Variants in IKBKB observed in about 807,000 individuals in gnomAD.
The protein encoded by IKBKB is inhibitor of nuclear factor kappa B kinase subunit beta.
A neutral mutation model predicts 113.6 loss-of-function variants in IKBKB; 42 were observed. That is an observed-to-expected ratio of 0.37 (90% CI 0.29 to 0.48). IKBKB has a LOEUF of 0.48. Among genes scored for constraint, IKBKB ranks in the 20% least tolerant of loss-of-function variants. The pLI is 0.99. For missense variants in IKBKB, 673 were observed against 939.7 expected, an observed-to-expected ratio of 0.72 and a Z score of 3.71; for synonymous variants, 296 against 361.3, an observed-to-expected ratio of 0.82 and a Z score of 2.05.
intron 5 of IKBKB, among the ~76,000 whole-genome samples, chr8:42,299,932 C>T (rs1294232436): frequency 6.6e-6 from 1 of 152,184 alleles, no homozygotes; most frequent in East Asian, 1.9e-4. Context: ...CTGTCTGTGC[C>T]TTGGCAGTGA....
At chr8:42,326,725 C>T (rs988055940) in intron 20 of IKBKB, among the ~76,000 whole-genome samples, 2 of 152,322 alleles carry the variant, frequency 1.3e-5, no homozygotes, top group Non-Finnish European at 1.5e-5. Flanking sequence ...GCCAGCAGTG[C>T]ATCATCAAAT....
chr8:42,288,305 TGAACACGG>T (rs926188031), intron 2 of IKBKB, among the ~76,000 whole-genome samples: 5 of 151,700 alleles, frequency 3.3e-5, no homozygotes, highest in African/African-American at 1.2e-4. Context: ...AAGAATCACT[TGAACACGG>T]GAGGTGGAGT....
chr8:42,308,856 C>G (rs1367782489), intron 7 of IKBKB, 45 bp from the exon 8 acceptor site: 1 of 1,604,904 alleles, frequency 6.2e-7, no homozygotes, highest in Non-Finnish European at 8.5e-7. Flanking sequence ...GCCGTGGTCC[C>G]CCCAGAGAGG....
chr8:42,277,728 G>A (rs1241424314), intron 2 of IKBKB, among the ~76,000 whole-genome samples: 2 of 152,226 alleles, frequency 1.3e-5, no homozygotes, highest in African/African-American at 2.4e-5. Flanking sequence ...TTCTCCCGGT[G>A]AGTTCCTCTG....
rs534763211 is a variant in IKBKB at position 42,294,495 on chromosome 8, C to T, written c.388+983C>T. Among the ~76,000 whole-genome samples, 20 of 152,336 alleles carry T rather than the reference C, an allele frequency of 1.3e-4. 1 individual carries two copies. The highest frequency in any genetic ancestry group is 4.6e-4 in the African/African-American group (19 of 41,580). Reference sequence around the variant, plus strand: ...GCCTGGAAGGGTTGATGGTCCAACACTGTCTTGCTAGTGTGGGTCTGGTCT... The same window carrying T: ...GCCTGGAAGGGTTGATGGTCCAACATTGTCTTGCTAGTGTGGGTCTGGTCT... On this transcript the variant is annotated intron_variant, in intron 5 of 21. Transcript: ENST00000520810.
In IKBKB at chr8:42,331,701, C is replaced by A. The variant is rs202105886; in HGVS notation, c.*722C>A. On this transcript the variant is annotated 3_prime_UTR_variant, in exon 22 of 22. Transcript: ENST00000520810. Reference sequence around the variant, plus strand: ...TCTGCCAAGAGCGACTCATAGTAACCAGGATGGGAGAGCAGCTGCCTTATT... The same window carrying A: ...TCTGCCAAGAGCGACTCATAGTAACAAGGATGGGAGAGCAGCTGCCTTATT... 4.5e-6 allele frequency: 2 copies of A among 448,468 alleles called. No individual in the cohort carries two copies. The highest frequency in any genetic ancestry group is 4.0e-5 in the African/African-American group (2 of 50,552). The allele number at this position is 448,468 out of a possible 1,614,324, so 27.8% of individuals were successfully genotyped here.
chr8:42,290,003 G>T (rs1812270653), intron 3 of IKBKB, among the ~76,000 whole-genome samples, 153 bp from the exon 4 acceptor site: 1 of 152,174 alleles, frequency 6.6e-6, no homozygotes, highest in African/African-American at 2.4e-5. Flanking sequence ...ACTGACCCAG[G>T]CATTGCGGTT....
intron 2 of IKBKB, among the ~76,000 whole-genome samples, chr8:42,278,580 T>C (rs1201794232): frequency 6.6e-6 from 1 of 152,144 alleles, no homozygotes; most frequent in Non-Finnish European, 1.5e-5. Context: ...CCTGAGTAGT[T>C]AACAACCAGC....
chr8:42,318,617 A>G lies in IKBKB; in HGVS notation c.1306A>G (p.Ser436Gly), dbSNP rs574886589. ...GAAGGTGTGGGGCCAGGTCTGGCACAGCATCCAGACCCTGAAGGAAGATTG... is the reference window on the plus strand; with the variant it reads ...GAAGGTGTGGGGCCAGGTCTGGCACGGCATCCAGACCCTGAAGGAAGATTG... ...LRKVWGQVWH[S>G]IQTLKEDCNR... Residue 436 changes from serine (S) to glycine (G), a missense_variant, in exon 13 of 22, where the codon AGC becomes GGC. Physicochemically the swap from Ser to Gly is moderately conservative, Grantham distance 56 (BLOSUM62 0). Transcript: ENST00000520810. 1 of 1,613,800 alleles carries G rather than the reference A, an allele frequency of 6.2e-7. No individual in the cohort carries two copies. Among genetic ancestry groups the G allele is most frequent in the East Asian group, 2.2e-5 (1 of 44,894 alleles).
At chr8:42,282,228 C>G (rs1410009834) in intron 2 of IKBKB, among the ~76,000 whole-genome samples, 1 of 152,144 alleles carries the variant, frequency 6.6e-6, no homozygotes, top group Non-Finnish European at 1.5e-5. Context: ...CAGTAGTCCA[C>G]GCTGGAGTGC....
At chr8:42,273,895 TGGGGTACA>T (rs1187087820) in intron 2 of IKBKB, among the ~76,000 whole-genome samples, 2 of 152,316 alleles carry the variant, frequency 1.3e-5, no homozygotes, top group East Asian at 3.9e-4. Context: ...TACATATTTA[TGGGGTACA>T]GTGTGATATT....
chr8:42,330,103 A>C, intron 21 of IKBKB: 1 of 985,402 alleles, frequency 1.0e-6, no homozygotes, highest in South Asian at 4.7e-5. Flanking sequence ...TCATCAGGCC[A>C]AGTCATGTGG....
intron 14 of IKBKB, 63 bp downstream of exon 14, chr8:42,319,484 GT>G: frequency 6.2e-7 from 1 of 1,602,726 alleles, no homozygotes; most frequent in South Asian, 1.1e-5. Context: ...TCTTTCTAAG[GT>G]TTCTTTTGTC....
intron 5 of IKBKB, 117 bp from the exon 6 acceptor site, chr8:42,305,070 C>T (rs559734087): frequency 1.0e-5 from 7 of 699,492 alleles, no homozygotes; most frequent in Admixed American, 2.2e-5. Context: ...TGAGGTATTG[C>T]GCTACAAGTC....
Position 42,316,691 on chromosome 8 carries a change from C to G in IKBKB, c.931-19C>G, listed in dbSNP as rs1818743680. Reference sequence around the variant, plus strand: ...CTTGAAGAAATCGGTTTTCCAGTAACATCTGGGTTGTGTTGCAGCTGGTTC... The same window carrying G: ...CTTGAAGAAATCGGTTTTCCAGTAAGATCTGGGTTGTGTTGCAGCTGGTTC... On this transcript the variant is annotated intron_variant, in intron 10 of 21. Coordinates refer to ENST00000520810, the MANE Select transcript of IKBKB (RefSeq NM_001556.3). The surrounding 1 kb of genome is among the most constrained non-coding windows in gnomAD (Gnocchi z 4.5). The G allele has an allele frequency of 6.2e-7, 1 of 1,603,528 alleles. No homozygotes were observed. The highest frequency in any genetic ancestry group is 1.3e-5 in the African/African-American group (1 of 74,652).
chr8:42,276,965 C>T (rs1299931678), intron 2 of IKBKB, among the ~76,000 whole-genome samples: 1 of 147,616 alleles, frequency 6.8e-6, no homozygotes, highest in East Asian at 2.0e-4. Flanking sequence ...CTCCCGGGTT[C>T]ATGCCATTCT....
chr8:42,297,042 G>A (rs528981608), intron 5 of IKBKB, among the ~76,000 whole-genome samples: 2 of 152,308 alleles, frequency 1.3e-5, no homozygotes, highest in African/African-American at 2.4e-5. Context: ...CCTGAGGCTG[G>A]ATCCAGGGAA....
intron 2 of IKBKB, among the ~76,000 whole-genome samples, chr8:42,288,186 A>G (rs1313331426): frequency 1.3e-5 from 2 of 152,082 alleles, no homozygotes; most frequent in Non-Finnish European, 2.9e-5. Context: ...CAGGAATTCA[A>G]GACTAGCCTC....
chr8:42,322,307 A>G, intron 18 of IKBKB, 40 bp from the exon 19 acceptor site: 1 of 1,613,056 alleles, frequency 6.2e-7, no homozygotes, highest in Non-Finnish European at 8.5e-7. Flanking sequence ...TGCTTTCTCC[A>G]GCCCAAATGC....
Sources: allele counts gnomAD v4.1 joint callset (sites outside exome capture counted in the v4.1 genomes callset), GRCh38; gene constraint gnomAD v4.1.1; non-coding constraint Gnocchi (gnomAD v3.1); transcripts MANE v1.5; gene names NCBI Gene and HGNC (gene_info 2026-07-23, HGNC 2026-07-21).